The following MAPK10 variants were observed in gnomAD, a reference collection of about 807,000 sequenced individuals.
MAPK10 encodes mitogen-activated protein kinase 10.
MAPK10 carries 25 observed loss-of-function variants against 59.3 expected under a neutral mutation model. That is an observed-to-expected ratio of 0.42 (90% CI 0.31 to 0.59). MAPK10 has a LOEUF of 0.59. Ranked by LOEUF, MAPK10 falls within the 20% of genes least tolerant of loss-of-function variation. The probability of loss-of-function intolerance (pLI) is 0.15; values close to 1 mark genes in which losing one functional copy is unlikely to be tolerated. For missense variants in MAPK10, 351 were observed against 568.9 expected, an observed-to-expected ratio of 0.62 and a Z score of 3.90; for synonymous variants, 190 against 200.5, an observed-to-expected ratio of 0.95 and a Z score of 0.44.
chr4:86,432,433 C>A (rs1290630080), intron 1 of MAPK10, among the ~76,000 whole-genome samples: 1 of 152,044 alleles, frequency 6.6e-6, no homozygotes, highest in Non-Finnish European at 1.5e-5. Context: ...CACCAGGACG[C>A]CCAGCTAATT....
chr4:86,299,386 T>C (rs968025300), intron 2 of MAPK10, among the ~76,000 whole-genome samples: 1 of 151,984 alleles, frequency 6.6e-6, no homozygotes, highest in Non-Finnish European at 1.5e-5. Flanking sequence ...AGAGGTGGGG[T>C]CTTGAGGGCA....
At chr4:86,368,273 T>C (rs1329736171) in intron 1 of MAPK10, among the ~76,000 whole-genome samples, 1 of 152,172 alleles carries the variant, frequency 6.6e-6, no homozygotes, top group African/African-American at 2.4e-5. Flanking sequence ...AATTCCCATA[T>C]ACCCTACTCC....
chr4:86,546,426 G>A (rs1014967487), intron 1 of MAPK10, among the ~76,000 whole-genome samples: 6 of 151,744 alleles, frequency 4.0e-5, no homozygotes, highest in Admixed American at 1.3e-4. Context: ...ACATGGTGGC[G>A]TGAGCCTGTA....
chr4:86,191,161 CCAATTATGTGGT>C (rs1018173404), intron 3 of MAPK10, among the ~76,000 whole-genome samples: 2 of 152,196 alleles, frequency 1.3e-5, no homozygotes. Context: ...TGTTTTACTT[CCAATTATGTGGT>C]CAATTTTAGA....
chr4:86,396,742 G>C (rs1649205615), intron 1 of MAPK10, among the ~76,000 whole-genome samples: 1 of 152,038 alleles, frequency 6.6e-6, no homozygotes, highest in Non-Finnish European at 1.5e-5. Flanking sequence ...AGCAAGGGGT[G>C]GGGGGTGCCA....
At chr4:86,337,566 A>G (rs1480167912) in intron 2 of MAPK10, among the ~76,000 whole-genome samples, 1 of 152,234 alleles carries the variant, frequency 6.6e-6, no homozygotes, top group African/African-American at 2.4e-5. Flanking sequence ...AGACATCTGC[A>G]CCCACCATGA....
rs564308074 is a variant in MAPK10, at chr4:86,062,167, T to A, written c.1110+2099A>T. Among the ~76,000 whole-genome samples, 3 of 152,250 alleles carry A rather than the reference T, an allele frequency of 2.0e-5. No individual in the cohort carries two copies. The East Asian group carries it at 5.8e-4, about 29-fold the overall frequency. On this transcript the variant is annotated intron_variant, in intron 11 of 13. Transcript: ENST00000641462. ...CTCTTCACTACAACATGTCTAGATG[T>A]AAGACATGTTTACCCTTGTATAATC...
chr4:86,574,113 T>A (rs1761677715), intron 1 of MAPK10, among the ~76,000 whole-genome samples: 1 of 151,928 alleles, frequency 6.6e-6, no homozygotes, highest in Non-Finnish European at 1.5e-5. Context: ...TGTCCATGTG[T>A]TCTCATTGTT....
At chr4:86,415,243 A>G (rs1280366012) in intron 1 of MAPK10, among the ~76,000 whole-genome samples, 1 of 152,118 alleles carries the variant, frequency 6.6e-6, no homozygotes, top group African/African-American at 2.4e-5. Flanking sequence ...GATCATGCCA[A>G]TTCAGGACTA....
chr4:86,020,564 G>A (rs934054364), intron 13 of MAPK10: 6 of 168,390 alleles, frequency 3.6e-5, no homozygotes, highest in Admixed American at 2.6e-4. Context: ...TTGAAGCCGC[G>A]GACCCTCGCG....
chr4:86,517,118 T>C (rs1447055800), intron 1 of MAPK10, among the ~76,000 whole-genome samples: 1 of 152,198 alleles, frequency 6.6e-6, no homozygotes, highest in Non-Finnish European at 1.5e-5. Flanking sequence ...GTTTTAATCA[T>C]AAAGGGATGC....
At chr4:86,159,607 A>T in intron 3 of MAPK10, 140 bp from the exon 4 acceptor site, 1 of 645,448 alleles carries the variant, frequency 1.5e-6, no homozygotes, top group South Asian at 2.3e-5. Flanking sequence ...ATAGAAAAAA[A>T]ATATGTATCA....
intron 2 of MAPK10, among the ~76,000 whole-genome samples, chr4:86,208,865 A>C (rs568047665): frequency 5.9e-5 from 9 of 152,270 alleles, no homozygotes; most frequent in African/African-American, 2.2e-4. Flanking sequence ...TTAAGCAATA[A>C]AATAATTAAG....
chr4:86,065,727 C>T (rs1054519702), intron 10 of MAPK10: 7 of 152,078 alleles, frequency 4.6e-5, no homozygotes, highest in African/African-American at 1.7e-4. Context: ...TATCTCAAAT[C>T]AATATTGTTA....
At chr4:86,435,515 G>A (rs1748604912) in intron 1 of MAPK10, among the ~76,000 whole-genome samples, 2 of 152,018 alleles carry the variant, frequency 1.3e-5, no homozygotes, top group South Asian at 4.2e-4. Flanking sequence ...AAAAGGCAAA[G>A]ATGGTAAATT....
At chr4:86,201,706 T>A (rs1379597116) in intron 2 of MAPK10, among the ~76,000 whole-genome samples, 1 of 151,808 alleles carries the variant, frequency 6.6e-6, no homozygotes, top group Non-Finnish European at 1.5e-5. Context: ...TGAATTTATT[T>A]TTTTATTTAT....
chr4:86,085,290 A>G (rs1366093360), intron 9 of MAPK10, among the ~76,000 whole-genome samples: 1 of 152,210 alleles, frequency 6.6e-6, no homozygotes, highest in Non-Finnish European at 1.5e-5. Context: ...AAAGAAAACA[A>G]TCAACAAAGT....
chr4:86,560,366 T>C (rs1279502104), intron 1 of MAPK10, among the ~76,000 whole-genome samples: 2 of 152,236 alleles, frequency 1.3e-5, no homozygotes, highest in Non-Finnish European at 2.9e-5. Context: ...TCTCTTCTTT[T>C]TAAAATGGAA....
At chr4:86,587,826 G>A (rs1206089538) in intron 1 of MAPK10, among the ~76,000 whole-genome samples, 1 of 152,214 alleles carries the variant, frequency 6.6e-6, no homozygotes, top group Non-Finnish European at 1.5e-5. Flanking sequence ...ACACTTTGGA[G>A]AGATATAGAC....
Sources: gnomAD v4.1 joint callset for allele counts (sites outside exome capture counted in the v4.1 genomes callset) on GRCh38, gnomAD v4.1.1 for gene constraint, MANE v1.5 for transcripts, NCBI Gene and HGNC (gene_info 2026-07-23, HGNC 2026-07-21) for gene names.